The following CAMK4 variants were observed in gnomAD, a reference collection of about 807,000 sequenced individuals.
The protein encoded by CAMK4 is calcium/calmodulin dependent protein kinase IV, also known as calcium/calmodulin-dependent protein kinase type IV.
A neutral mutation model predicts 44.9 loss-of-function variants in CAMK4; 22 were observed. The ratio of observed to expected loss-of-function variants is 0.49; its 90% CI spans 0.35 to 0.70. CAMK4 has a LOEUF of 0.70. Ranked by LOEUF, CAMK4 falls within the 30% of genes least tolerant of loss-of-function variation. The pLI, the probability that CAMK4 is intolerant of heterozygous loss-of-function variation, is 0.01. For missense variants in CAMK4, 498 were observed against 586.8 expected (o/e 0.85, Z 1.56); for synonymous variants, 218 against 215.4 (o/e 1.01, Z -0.11).
Position 111,446,607 on chromosome 5 carries a change from G to A in CAMK4, c.460-79G>A, listed in dbSNP as rs1404684760. The A allele has an allele frequency of 6.7e-6, 5 of 744,834 alleles. No individual in the cohort carries two copies. The African/African-American group carries it at 8.9e-5, about 13-fold the overall frequency. 46.1% of individuals were successfully genotyped at this position (744,834 alleles called of 1,614,324 possible). ...GTGTTCTTGAATCACATAACTTATA[G>A]TTCTTAAAAGATTAAGTATAGACAT... On this transcript the variant is annotated intron_variant, in intron 5 of 10. Transcript: ENST00000282356.
At chr5:111,400,479 T>G (rs911839651) in intron 5 of CAMK4, among the ~76,000 whole-genome samples, 1 of 152,144 alleles carries the variant, frequency 6.6e-6, no homozygotes, top group Non-Finnish European at 1.5e-5. Context: ...AGCAGAAAAC[T>G]TAAAGATTGA....
chr5:111,348,118 T>C (rs1340071296), intron 2 of CAMK4, among the ~76,000 whole-genome samples: 1 of 152,030 alleles, frequency 6.6e-6, no homozygotes, highest in Non-Finnish European at 1.5e-5. Context: ...TTTAAACATT[T>C]TTCCATGGGA....
intron 1 of CAMK4, among the ~76,000 whole-genome samples, chr5:111,284,953 G>A (rs1751181031): frequency 1.3e-5 from 2 of 152,098 alleles, no homozygotes; most frequent in South Asian, 2.1e-4. Flanking sequence ...GAACCTAACT[G>A]TAAATCAGCA....
chr5:111,419,969 A>G lies in CAMK4; in HGVS notation c.459+25187A>G, dbSNP rs928830263. 3.3e-5 allele frequency among the ~76,000 whole-genome samples: 5 copies of G among 152,208 alleles called. No individual in the cohort carries two copies. The South Asian group carries it at 6.2e-4, about 19-fold the overall frequency. ...TATGAACTTTAAAGTAGTTTTTTCCAATTCTGTGAAGAAAGTCATTGGTAG... is the reference window on the plus strand; with the variant it reads ...TATGAACTTTAAAGTAGTTTTTTCCGATTCTGTGAAGAAAGTCATTGGTAG... On this transcript the variant is annotated intron_variant, in intron 5 of 10. Coordinates refer to ENST00000282356, the MANE Select transcript of CAMK4 (RefSeq NM_001744.6).
At chr5:111,332,523 A>G (rs1305286516) in intron 1 of CAMK4, among the ~76,000 whole-genome samples, 2 of 151,544 alleles carry the variant, frequency 1.3e-5, no homozygotes, top group Non-Finnish European at 3.0e-5. Flanking sequence ...TATTGTGAGT[A>G]GTGCTGCAAT....
At chr5:111,441,795 A>G (rs1022123469) in intron 5 of CAMK4, among the ~76,000 whole-genome samples, 2 of 152,356 alleles carry the variant, frequency 1.3e-5, no homozygotes, top group African/African-American at 2.4e-5. Context: ...AGCTAAAATC[A>G]ACAATATCTT....
chr5:111,350,131 C>T (rs1377656880), intron 2 of CAMK4, among the ~76,000 whole-genome samples: 1 of 151,996 alleles, frequency 6.6e-6, no homozygotes, highest in Non-Finnish European at 1.5e-5. Flanking sequence ...GAATATCTCT[C>T]AATCTGTTTT....
At chr5:111,242,202 C>G (rs1214718691) in intron 1 of CAMK4, among the ~76,000 whole-genome samples, 1 of 152,162 alleles carries the variant, frequency 6.6e-6, no homozygotes, top group Non-Finnish European at 1.5e-5. Flanking sequence ...TTCTGGATTT[C>G]TCCTTCACCC....
At chr5:111,475,754 GGT>G (rs1314709064) in intron 8 of CAMK4, among the ~76,000 whole-genome samples, 10 of 152,100 alleles carry the variant, frequency 6.6e-5, no homozygotes, top group African/African-American at 9.7e-5. Flanking sequence ...TTTAATAATT[GGT>G]GAAGTCCACT....
chr5:111,324,131 A>T (rs1236389887), intron 1 of CAMK4, among the ~76,000 whole-genome samples: 1 of 152,026 alleles, frequency 6.6e-6, no homozygotes, highest in Non-Finnish European at 1.5e-5. Context: ...ATTAAAAAAT[A>T]ATAAAATAAT....
intron 5 of CAMK4, among the ~76,000 whole-genome samples, chr5:111,401,930 G>T (rs1190176496): frequency 1.3e-5 from 2 of 152,226 alleles, no homozygotes; most frequent in Non-Finnish European, 2.9e-5. Flanking sequence ...CTGGACCTCA[G>T]GTCTCTGAGG....
chr5:111,392,650 A>C (rs1266865316), intron 4 of CAMK4, among the ~76,000 whole-genome samples: 3 of 152,160 alleles, frequency 2.0e-5, no homozygotes, highest in Admixed American at 2.0e-4. Flanking sequence ...AACATATATA[A>C]AACATTTTGT....
chr5:111,319,006 T>A (rs1231964330), intron 1 of CAMK4, among the ~76,000 whole-genome samples: 1 of 152,152 alleles, frequency 6.6e-6, no homozygotes, highest in African/African-American at 2.4e-5. Context: ...GACATTGTTA[T>A]GATAGAGCTG....
chr5:111,309,548 C>A (rs1748109297), intron 1 of CAMK4, among the ~76,000 whole-genome samples: 1 of 152,128 alleles, frequency 6.6e-6, no homozygotes, highest in Non-Finnish European at 1.5e-5. Flanking sequence ...GGAGTGAGAA[C>A]TGACTCTGGT....
intron 1 of CAMK4, among the ~76,000 whole-genome samples, chr5:111,247,459 A>C (rs1749291016): frequency 6.7e-6 from 1 of 148,622 alleles, no homozygotes; most frequent in African/African-American, 2.4e-5. Flanking sequence ...ATTTCATAAA[A>C]TTTAAGAATG....
At chr5:111,229,622 G>C (rs948268738) in intron 1 of CAMK4, among the ~76,000 whole-genome samples, 1 of 152,076 alleles carries the variant, frequency 6.6e-6, no homozygotes, top group Non-Finnish European at 1.5e-5. Flanking sequence ...GATTTTTTCC[G>C]ACACCATGCT....
intron 1 of CAMK4, among the ~76,000 whole-genome samples, chr5:111,308,201 G>C (rs1476568135): frequency 7.0e-6 from 1 of 143,198 alleles, no homozygotes; most frequent in Non-Finnish European, 1.5e-5. Flanking sequence ...GTATACATAT[G>C]TAACTAACCT....
chr5:111,459,586 A>G (rs1754561185), intron 7 of CAMK4, among the ~76,000 whole-genome samples: 1 of 152,060 alleles, frequency 6.6e-6, no homozygotes, highest in Non-Finnish European at 1.5e-5. Context: ...AGTTAACCAA[A>G]TATATTTTGG....
intron 5 of CAMK4, among the ~76,000 whole-genome samples, chr5:111,442,918 G>A (rs1447859458): frequency 6.7e-6 from 1 of 149,632 alleles, no homozygotes; most frequent in African/African-American, 2.4e-5. Flanking sequence ...ATTTTAACTA[G>A]TAATACAGTA....
Sources: gnomAD v4.1 joint callset for allele counts (sites outside exome capture counted in the v4.1 genomes callset) on GRCh38, gnomAD v4.1.1 for gene constraint, MANE v1.5 for transcripts, NCBI Gene and HGNC (gene_info 2026-07-23, HGNC 2026-07-21) for gene names.